VGLL3: variants seen among roughly 807,000 people sequenced by gnomAD.
The protein encoded by VGLL3 is vestigial like family member 3, also known as transcription cofactor vestigial-like protein 3.
A neutral mutation model predicts 29.2 loss-of-function variants in VGLL3; 18 were observed. The ratio of observed to expected loss-of-function variants is 0.62; its 90% CI spans 0.43 to 0.91. VGLL3 has a LOEUF of 0.91. Among genes scored for constraint, VGLL3 ranks in the 40% least tolerant of loss-of-function variants. VGLL3 has a pLI of 0.00. For missense variants in VGLL3, 440 were observed against 413.2 expected, an observed-to-expected ratio of 1.06 and a Z score of -0.56; for synonymous variants, 180 against 151.8, an observed-to-expected ratio of 1.19 and a Z score of -1.36.
chr3:86,939,866 T>TA lies in VGLL3; in HGVS notation c.*7157_*7158insT, dbSNP rs1217545667. On this transcript the variant is annotated 3_prime_UTR_variant, in exon 4 of 4. Transcript: ENST00000398399. ...AGCAGGGAACAGCAAGATTCTCTCTTGGAAGCATCCAGGAAATGCCTCCTA... is the reference window on the plus strand; with the variant it reads ...AGCAGGGAACAGCAAGATTCTCTCTTAGGAAGCATCCAGGAAATGCCTCCTA... 6.6e-6 allele frequency: 1 copy of TA among 152,224 alleles called. No homozygotes were observed. The highest frequency in any genetic ancestry group is 1.5e-5 in the Non-Finnish European group (1 of 68,044). The allele number at this position is 152,224 out of a possible 1,614,324, so 9.4% of individuals were successfully genotyped here.
chr3:86,962,591 T>C (rs1474783954), intron 3 of VGLL3: 2 of 958,328 alleles, frequency 2.1e-6, no homozygotes, highest in Non-Finnish European at 2.5e-6. Flanking sequence ...TTTTAAAAAT[T>C]GCATATATAT....
chr3:86,972,270 A>G (rs1705117383), intron 2 of VGLL3, among the ~76,000 whole-genome samples: 1 of 152,242 alleles, frequency 6.6e-6, no homozygotes, highest in Non-Finnish European at 1.5e-5. Flanking sequence ...TAAAGATTGA[A>G]CAAAGTTTTA....
intron 2 of VGLL3, among the ~76,000 whole-genome samples, chr3:86,971,569 A>C (rs1379140896): frequency 6.6e-6 from 1 of 152,196 alleles, no homozygotes; most frequent in Non-Finnish European, 1.5e-5. Flanking sequence ...TTAAAATCAC[A>C]ATCTATCCAA....
At chr3:86,971,633 A>G (rs1045633827) in intron 2 of VGLL3, among the ~76,000 whole-genome samples, 2 of 152,226 alleles carry the variant, frequency 1.3e-5, no homozygotes, top group East Asian at 1.9e-4. Context: ...GTTTTCTTGA[A>G]TTAACAATCG....
At chr3:86,952,500 G>T (rs923480083) in intron 3 of VGLL3, among the ~76,000 whole-genome samples, 1 of 152,116 alleles carries the variant, frequency 6.6e-6, no homozygotes, top group African/African-American at 2.4e-5. Flanking sequence ...TGGGAAACAT[G>T]CTGTTGATTA....
chr3:86,978,500 G>A, intron 2 of VGLL3, 26 bp downstream of exon 2: 1 of 1,609,374 alleles, frequency 6.2e-7, no homozygotes, highest in Non-Finnish European at 8.5e-7. Flanking sequence ...CAGTGCCCTG[G>A]AGAACATCTG....
chr3:86,949,698 C>T (rs576887508), intron 3 of VGLL3, among the ~76,000 whole-genome samples: 20 of 151,430 alleles, frequency 1.3e-4, no homozygotes, highest in African/African-American at 4.6e-4. Context: ...TGATGGCGGG[C>T]GCCCTGTAGT....
intron 2 of VGLL3, among the ~76,000 whole-genome samples, chr3:86,977,666 C>A (rs1445271461): frequency 1.3e-5 from 2 of 152,160 alleles, no homozygotes; most frequent in African/African-American, 2.4e-5. Context: ...TGGGGTGGAG[C>A]CCAAGAATTC....
rs147956332 is a variant in VGLL3, at chr3:86,971,551, T to C, written c.404-2428A>G. 3.3e-3 allele frequency among the ~76,000 whole-genome samples: 499 copies of C among 152,360 alleles called. 3 individuals are homozygous for C. The highest frequency in any genetic ancestry group is 0.01 in the African/African-American group (426 of 41,578). ...CAACCTCAGGAAACTTTTAATTGAATGACTTTGTTAAAATCACAATCTATC... is the reference window on the plus strand; with the variant it reads ...CAACCTCAGGAAACTTTTAATTGAACGACTTTGTTAAAATCACAATCTATC... On this transcript the variant is annotated intron_variant, in intron 2 of 3. Transcript: ENST00000398399.
intron 1 of VGLL3, among the ~76,000 whole-genome samples, chr3:86,979,099 C>T (rs1705271933): frequency 6.6e-6 from 1 of 151,974 alleles, no homozygotes; most frequent in Non-Finnish European, 1.5e-5. Flanking sequence ...TTTTGTTTTG[C>T]TTTTTGTTTT....
intron 3 of VGLL3, chr3:86,962,861 T>TAGGGAAGCCAGCCTTCACTATTCAAAAG: frequency 6.0e-6 from 1 of 165,302 alleles, no homozygotes; most frequent in Non-Finnish European, 1.3e-5. Context: ...CTATTCAAAA[T>TAGGGAAGCCAGCCTTCACTATTCAAAAG]AGGGAAGCCA....
intron 1 of VGLL3, among the ~76,000 whole-genome samples, chr3:86,981,406 G>C (rs1484244614): frequency 6.6e-6 from 1 of 151,804 alleles, no homozygotes; most frequent in Non-Finnish European, 1.5e-5. Flanking sequence ...GTAAGCAAAA[G>C]CTGCCCCTGC....
rs2106946218 is a variant in VGLL3, at chr3:86,942,900, C to T, written c.*4124G>A. 6.6e-6 allele frequency: 1 copy of T among 152,150 alleles called. No homozygotes were observed. The highest frequency in any genetic ancestry group is 2.1e-4 in the South Asian group (1 of 4,828). 9.4% of individuals were successfully genotyped at this position (152,150 alleles called of 1,614,324 possible). On this transcript the variant is annotated 3_prime_UTR_variant, in exon 4 of 4. Transcript: ENST00000398399. ...GGATATGGATGTGAAGAGAAGAGAC[C>T]TTTGGGAGCTCAATTTAATGAACTA...
At chr3:86,978,880 A>G (rs972406409) in intron 1 of VGLL3, 78 bp from the exon 2 acceptor site, 1 of 1,426,308 alleles carries the variant, frequency 7.0e-7, no homozygotes, top group Admixed American at 2.4e-5. Flanking sequence ...TCACTTTTTT[A>G]AAAAAAGAAT....
At position 86,976,386 on chromosome 3, in the gene VGLL3, T is replaced by C. The variant is rs573288119; in HGVS notation, c.403+2140A>G. On this transcript the variant is annotated intron_variant, in intron 2 of 3. Coordinates refer to ENST00000398399, the MANE Select transcript of VGLL3 (RefSeq NM_016206.4). Reference sequence around the variant, plus strand: ...AAAATAACATATTTTGTAACAATTGTTTGTTTCCTGTTTCTACCCTAAAAG... The same window carrying C: ...AAAATAACATATTTTGTAACAATTGCTTGTTTCCTGTTTCTACCCTAAAAG... 2.0e-5 allele frequency among the ~76,000 whole-genome samples: 3 copies of C among 152,350 alleles called. No individual in the cohort carries two copies. In the South Asian group the frequency reaches 6.2e-4, roughly 32 times the overall value.
chr3:86,967,398 TG>T (rs1704987869), intron 3 of VGLL3, among the ~76,000 whole-genome samples: 1 of 152,178 alleles, frequency 6.6e-6, no homozygotes, highest in Non-Finnish European at 1.5e-5. Flanking sequence ...CCTGATACTT[TG>T]TTTAGAAAAG....
intron 3 of VGLL3, among the ~76,000 whole-genome samples, chr3:86,956,612 C>T (rs1295294707): frequency 6.6e-6 from 1 of 151,920 alleles, no homozygotes; most frequent in South Asian, 2.1e-4. Context: ...CGGTGAAACC[C>T]GGTCTTTACT....
At position 86,968,721 on chromosome 3, in the gene VGLL3, G is replaced by A. The variant is rs368641887; in HGVS notation, c.806C>T (p.Ala269Val). The A allele has an allele frequency of 4.4e-5, 71 of 1,614,120 alleles. No individual in the cohort carries two copies. Among genetic ancestry groups the A allele is most frequent in the South Asian group, 3.6e-4 (33 of 91,068 alleles). The stretch of plus-strand genomic sequence containing the variant: ...ACACTGGGGAGCAGGAATCCTGGCC[G>A]CATGCACTGAAGGCATCAGCAGAGG... ...YGPLLMPSVH[A>V]ARIPAPQCDI... Residue 269 changes from alanine to valine, a missense_variant, in exon 3 of 4, where the codon GCG becomes GTG. By Grantham distance (64) the Ala-to-Val change is moderately conservative. Coordinates refer to ENST00000398399, the MANE Select transcript of VGLL3 (RefSeq NM_016206.4).
rs556089952 is a variant in VGLL3 at position 86,973,526 on chromosome 3, C to T, written c.404-4403G>A. On this transcript the variant is annotated intron_variant, in intron 2 of 3. Transcript: ENST00000398399. Reference sequence around the variant, plus strand: ...TACCATTATGTCCAAAGATTGCCTTCTAGTTACTTTCTTCTAGAGTTGCTC... The same window carrying T: ...TACCATTATGTCCAAAGATTGCCTTTTAGTTACTTTCTTCTAGAGTTGCTC... 1.3e-4 allele frequency among the ~76,000 whole-genome samples: 20 copies of T among 152,258 alleles called. No individual in the cohort carries two copies. The South Asian group carries it at 4.1e-3, about 32-fold the overall frequency.
Sources: gnomAD v4.1 joint callset for allele counts (sites outside exome capture counted in the v4.1 genomes callset) on GRCh38, gnomAD v4.1.1 for gene constraint, MANE v1.5 for transcripts, NCBI Gene and HGNC (gene_info 2026-07-23, HGNC 2026-07-21) for gene names.